NMNAT2: variants seen among roughly 807,000 people sequenced by gnomAD.
NMNAT2 encodes nicotinamide nucleotide adenylyltransferase 2.
In NMNAT2, 11 loss-of-function variants were observed where a neutral mutation model predicts 41.6. The observed-to-expected ratio is 0.26, with a 90% CI of 0.17 to 0.44. The LOEUF is 0.44. Ranked by LOEUF, NMNAT2 falls within the 20% of genes least tolerant of loss-of-function variation. The pLI, the probability that NMNAT2 is intolerant of heterozygous loss-of-function variation, is 1.00. For synonymous variants in NMNAT2, 148 were observed against 151.2 expected, an observed-to-expected ratio of 0.98 and a Z score of 0.16; for missense variants, 288 against 407.7, an observed-to-expected ratio of 0.71 and a Z score of 2.53.
At chr1:183,413,834 C>G (rs1044401739) in intron 1 of NMNAT2, among the ~76,000 whole-genome samples, 1 of 152,066 alleles carries the variant, frequency 6.6e-6, no homozygotes, top group African/African-American at 2.4e-5. Flanking sequence ...GTCTCGATCT[C>G]CTGACCTCGT....
chr1:183,276,009 G>A (rs1287032591), intron 8 of NMNAT2, among the ~76,000 whole-genome samples: 1 of 152,128 alleles, frequency 6.6e-6, no homozygotes, highest in African/African-American at 2.4e-5. Flanking sequence ...TTGCAGAAAC[G>A]GGGACTAGTT....
intron 1 of NMNAT2, among the ~76,000 whole-genome samples, chr1:183,415,622 A>C (rs964167915): frequency 2.0e-5 from 3 of 152,228 alleles, no homozygotes; most frequent in African/African-American, 7.2e-5. Flanking sequence ...TGTGTTCATA[A>C]GTCACTTGGC....
intron 1 of NMNAT2, among the ~76,000 whole-genome samples, chr1:183,347,452 T>A (rs1011790641): frequency 3.3e-5 from 5 of 151,988 alleles, no homozygotes; most frequent in African/African-American, 9.7e-5. Flanking sequence ...CAAGACCCTA[T>A]CTCTCTAAAA....
At chr1:183,291,174 C>T (rs1489943773) in intron 3 of NMNAT2, among the ~76,000 whole-genome samples, 1 of 152,166 alleles carries the variant, frequency 6.6e-6, no homozygotes, top group Non-Finnish European at 1.5e-5. Flanking sequence ...ACTTCGGCCT[C>T]CCAAAGTGCT....
chr1:183,371,483 G>T (rs1663541625), intron 1 of NMNAT2, among the ~76,000 whole-genome samples: 1 of 152,204 alleles, frequency 6.6e-6, no homozygotes, highest in Non-Finnish European at 1.5e-5. Context: ...GTGGTGTGTG[G>T]ATGCCGCTCC....
chr1:183,322,671 C>G (rs972647782), intron 1 of NMNAT2, among the ~76,000 whole-genome samples: 1 of 152,166 alleles, frequency 6.6e-6, no homozygotes, highest in South Asian at 2.1e-4. Context: ...CCTCAATAAG[C>G]GATCTGGAGC....
intron 7 of NMNAT2, among the ~76,000 whole-genome samples, chr1:183,282,318 T>C (rs1160220646): frequency 1.3e-5 from 2 of 152,178 alleles, no homozygotes; most frequent in Non-Finnish European, 2.9e-5. Context: ...ACTCCAGAAC[T>C]GCTATGGAGC....
intron 1 of NMNAT2, among the ~76,000 whole-genome samples, chr1:183,379,818 C>T (rs1225633085): frequency 6.6e-5 from 10 of 152,172 alleles, no homozygotes; most frequent in Non-Finnish European, 4.4e-5. Context: ...ACAAAAGATA[C>T]ATTCATGATA....
At chr1:183,316,610 A>C (rs1332113391) in intron 1 of NMNAT2, among the ~76,000 whole-genome samples, 7 of 152,118 alleles carry the variant, frequency 4.6e-5, no homozygotes, top group Admixed American at 6.5e-5. Context: ...CTGTCCAGGC[A>C]CGGGGGCCTG....
chr1:183,350,061 C>A (rs1312841702), intron 1 of NMNAT2, among the ~76,000 whole-genome samples: 1 of 152,182 alleles, frequency 6.6e-6, no homozygotes, highest in Non-Finnish European at 1.5e-5. Flanking sequence ...TACATTGAAA[C>A]CCTGCTGTGC....
At chr1:183,340,654 A>T (rs1263738595) in intron 1 of NMNAT2, among the ~76,000 whole-genome samples, 1 of 152,160 alleles carries the variant, frequency 6.6e-6, no homozygotes, top group East Asian at 1.9e-4. Flanking sequence ...TGGACAGCAG[A>T]CTGGGAAGCT....
intron 1 of NMNAT2, among the ~76,000 whole-genome samples, chr1:183,319,824 C>A (rs1662323594): frequency 6.6e-6 from 1 of 152,222 alleles, no homozygotes; most frequent in African/African-American, 2.4e-5. Context: ...CTTAAGATGA[C>A]CCTGGGAGGG....
At chr1:183,284,138 G>T in intron 6 of NMNAT2, 99 bp from the exon 7 acceptor site, 1 of 1,011,810 alleles carries the variant, frequency 9.9e-7, no homozygotes. Flanking sequence ...ATTGGGATGG[G>T]GTGGGGTGGG....
At chr1:183,347,330 C>G (rs909022802) in intron 1 of NMNAT2, among the ~76,000 whole-genome samples, 2 of 152,060 alleles carry the variant, frequency 1.3e-5, no homozygotes, top group Admixed American at 1.3e-4. Flanking sequence ...GTGGTGCATG[C>G]CTGTAGTCCC....
At chr1:183,257,251 G>C (rs1398425131) in intron 10 of NMNAT2, among the ~76,000 whole-genome samples, 1 of 151,984 alleles carries the variant, frequency 6.6e-6, no homozygotes, top group African/African-American at 2.4e-5. Context: ...GACCAGCCTG[G>C]CCAACATAGT....
intron 1 of NMNAT2, among the ~76,000 whole-genome samples, chr1:183,393,346 T>C (rs1648535202): frequency 6.6e-6 from 1 of 152,160 alleles, no homozygotes; most frequent in Non-Finnish European, 1.5e-5. Context: ...CAGATGAGGA[T>C]GCTAAGCCTC....
chr1:183,292,888 C>T, intron 2 of NMNAT2, 31 bp from the exon 3 acceptor site: 1 of 1,607,842 alleles, frequency 6.2e-7, no homozygotes, highest in Non-Finnish European at 8.5e-7. Context: ...CATTGGGAGA[C>T]TCCCTCCGTT....
Position 183,290,213 on chromosome 1 carries a change from T to C in NMNAT2, c.243-7A>G. On this transcript the variant is annotated splice_region_variant and splice_polypyrimidine_tract_variant and intron_variant, in intron 3 of 10. Coordinates refer to ENST00000287713, the MANE Select transcript of NMNAT2 (RefSeq NM_015039.4). ...GCACTCCCAAGGGTCCACCCTAACA[T>C]CATCGGAAAGAAGTTTCCCTTGGTT... 1 of 1,568,380 alleles carries C rather than the reference T, an allele frequency of 6.4e-7. No homozygotes were observed. The highest frequency in any genetic ancestry group is 8.7e-7 in the Non-Finnish European group (1 of 1,153,852).
chr1:183,394,563 G>C (rs1022686530), intron 1 of NMNAT2, among the ~76,000 whole-genome samples: 3 of 152,224 alleles, frequency 2.0e-5, no homozygotes, highest in Admixed American at 2.0e-4. Context: ...GGTGAGAAAA[G>C]ACAATGGGGT....
Sources: gnomAD v4.1 joint callset for allele counts (sites outside exome capture counted in the v4.1 genomes callset) on GRCh38, gnomAD v4.1.1 for gene constraint, MANE v1.5 for transcripts, NCBI Gene and HGNC (gene_info 2026-07-23, HGNC 2026-07-21) for gene names.